GALNTL6: variants seen among roughly 807,000 people sequenced by gnomAD.
GALNTL6 encodes polypeptide N-acetylgalactosaminyltransferase-like 6.
A neutral mutation model predicts 73.7 loss-of-function variants in GALNTL6; 46 were observed. That is an observed-to-expected ratio of 0.62 (90% CI 0.49 to 0.80). GALNTL6 has a LOEUF of 0.80. Among genes scored for constraint, GALNTL6 ranks in the 30% least tolerant of loss-of-function variants. GALNTL6 has a pLI of 0.00. For missense variants in GALNTL6, 604 were observed against 755.0 expected, an observed-to-expected ratio of 0.80 and a Z score of 2.34; for synonymous variants, 259 against 263.7, an observed-to-expected ratio of 0.98 and a Z score of 0.17.
intron 2 of GALNTL6, among the ~76,000 whole-genome samples, chr4:171,923,694 T>C (rs1293769828): frequency 6.6e-6 from 1 of 151,376 alleles, no homozygotes; most frequent in Admixed American, 6.6e-5. Flanking sequence ...GTGTGGACCC[T>C]GACATTTTTT....
intron 2 of GALNTL6, among the ~76,000 whole-genome samples, chr4:172,151,082 G>A (rs1734074850): frequency 6.6e-6 from 1 of 152,116 alleles, no homozygotes; most frequent in African/African-American, 2.4e-5. Context: ...TCTTTCACAT[G>A]AGCATGAATT....
chr4:172,917,069 A>C (rs1415340366), intron 8 of GALNTL6, among the ~76,000 whole-genome samples: 2 of 152,220 alleles, frequency 1.3e-5, no homozygotes, highest in Non-Finnish European at 1.5e-5. Flanking sequence ...AATGGAATGG[A>C]ACAGAGCCCT....
At chr4:172,903,514 C>A (rs2111245139) in intron 8 of GALNTL6, among the ~76,000 whole-genome samples, 1 of 152,258 alleles carries the variant, frequency 6.6e-6, no homozygotes, top group Admixed American at 6.6e-5. Flanking sequence ...ACATAAACAT[C>A]AATTAAGTAG....
chr4:172,683,571 G>A (rs6838201), intron 5 of GALNTL6, among the ~76,000 whole-genome samples: 125,157 of 152,188 alleles, frequency 0.82, 52,014 homozygotes, highest in Middle Eastern at 0.93. Context: ...TAATCTCATA[G>A]ATTTACTAGA....
chr4:172,970,065 G>A (rs188576492), intron 10 of GALNTL6, among the ~76,000 whole-genome samples: 1 of 152,148 alleles, frequency 6.6e-6, no homozygotes, highest in Non-Finnish European at 1.5e-5. Context: ...AAAGGGGAGG[G>A]TGTGTACGAA....
intron 10 of GALNTL6, among the ~76,000 whole-genome samples, chr4:172,953,869 A>T (rs1327238948): frequency 6.6e-6 from 1 of 152,232 alleles, no homozygotes; most frequent in African/African-American, 2.4e-5. Context: ...GCTTGTATTA[A>T]TTTAACTGTC....
intron 5 of GALNTL6, among the ~76,000 whole-genome samples, chr4:172,652,963 T>C (rs1213308725): frequency 6.6e-6 from 1 of 152,170 alleles, no homozygotes; most frequent in Non-Finnish European, 1.5e-5. Flanking sequence ...GTGTGTACTT[T>C]TACTTCCAAG....
intron 5 of GALNTL6, among the ~76,000 whole-genome samples, chr4:172,392,358 TA>T (rs1057107574): frequency 6.6e-6 from 1 of 152,166 alleles, no homozygotes; most frequent in Non-Finnish European, 1.5e-5. Context: ...CTCGTTACAC[TA>T]TAAAGACCAA....
intron 7 of GALNTL6, among the ~76,000 whole-genome samples, chr4:172,879,423 T>C (rs1745345378): frequency 6.6e-6 from 1 of 151,886 alleles, no homozygotes; most frequent in Admixed American, 6.6e-5. Flanking sequence ...TCATACAAAG[T>C]GTATTCTCTG....
At chr4:171,881,212 T>C (rs1736439168) in intron 2 of GALNTL6, among the ~76,000 whole-genome samples, 2 of 152,192 alleles carry the variant, frequency 1.3e-5, no homozygotes, top group Admixed American at 1.3e-4. Flanking sequence ...ATTAACATCT[T>C]CTCTAAACAA....
At chr4:172,155,376 C>A (rs1020734890) in intron 2 of GALNTL6, among the ~76,000 whole-genome samples, 1 of 152,072 alleles carries the variant, frequency 6.6e-6, no homozygotes, top group Non-Finnish European at 1.5e-5. Context: ...AGGTGAGGTC[C>A]GTGAACGAAA....
intron 5 of GALNTL6, among the ~76,000 whole-genome samples, chr4:172,645,205 G>T (rs1740182569): frequency 6.6e-6 from 1 of 151,640 alleles, no homozygotes; most frequent in South Asian, 2.1e-4. Context: ...TTTAATAAAG[G>T]TGAATTTATT....
chr4:171,818,471 T>A (rs967771197), intron 2 of GALNTL6, among the ~76,000 whole-genome samples: 12 of 151,046 alleles, frequency 7.9e-5, no homozygotes, highest in Non-Finnish European at 1.8e-4. Flanking sequence ...GATCTTGCAA[T>A]TTTTTAAATA....
At chr4:171,943,765 A>G (rs1382220196) in intron 2 of GALNTL6, among the ~76,000 whole-genome samples, 1 of 152,168 alleles carries the variant, frequency 6.6e-6, no homozygotes, top group Non-Finnish European at 1.5e-5. Flanking sequence ...TTCTGAGTTA[A>G]TGTTTTCCTT....
chr4:172,392,265 A>G (rs868640826), intron 5 of GALNTL6, among the ~76,000 whole-genome samples: 7 of 152,170 alleles, frequency 4.6e-5, no homozygotes, highest in Admixed American at 1.3e-4. Context: ...CTGGAATCAC[A>G]GACATGAGCC....
In GALNTL6 at chr4:172,868,670, T is replaced by A. The variant is rs189245164; in HGVS notation, c.924-14120T>A. The stretch of plus-strand genomic sequence containing the variant: ...GAATCAGCCAATCTGCATTAGGACC[T>A]GTCTCTGAAACTCCTAATGGAAGCA... On this transcript the variant is annotated intron_variant, in intron 7 of 12. Transcript: ENST00000506823. Among the ~76,000 whole-genome samples, 21 of 152,356 alleles carry A rather than the reference T, an allele frequency of 1.4e-4. No individual in the cohort carries two copies. In the East Asian group the frequency reaches 3.9e-3, roughly 28 times the overall value.
chr4:172,563,863 T>C (rs1736467782), intron 5 of GALNTL6, among the ~76,000 whole-genome samples: 1 of 152,216 alleles, frequency 6.6e-6, no homozygotes, highest in South Asian at 2.1e-4. Flanking sequence ...TTCTTAAACA[T>C]TTAATGCTTT....
intron 11 of GALNTL6, among the ~76,000 whole-genome samples, chr4:173,010,070 G>A (rs1452907894): frequency 1.3e-5 from 2 of 152,076 alleles, no homozygotes; most frequent in Admixed American, 6.5e-5. Context: ...TAGTCACCGT[G>A]TTGTGCTATC....
chr4:172,082,274 C>T (rs1731902259), intron 2 of GALNTL6, among the ~76,000 whole-genome samples: 1 of 152,078 alleles, frequency 6.6e-6, no homozygotes, highest in Admixed American at 6.6e-5. Context: ...AACAAAAATA[C>T]CAAATTCTGT....
Sources: allele counts gnomAD v4.1 joint callset (sites outside exome capture counted in the v4.1 genomes callset), GRCh38; gene constraint gnomAD v4.1.1; transcripts MANE v1.5; gene names NCBI Gene and HGNC (gene_info 2026-07-23, HGNC 2026-07-21).